PRKCH: variants seen among roughly 807,000 people sequenced by gnomAD.
PRKCH encodes protein kinase C eta.
PRKCH carries 28 observed loss-of-function variants against 82.5 expected under a neutral mutation model. The ratio of observed to expected loss-of-function variants is 0.34; its 90% CI spans 0.25 to 0.47. PRKCH has a LOEUF of 0.47. Among genes scored for constraint, PRKCH ranks in the 20% least tolerant of loss-of-function variants. PRKCH has a pLI of 1.00. For missense variants in PRKCH, 705 were observed against 881.8 expected (o/e 0.80, Z 2.54); for synonymous variants, 322 against 327.4 (o/e 0.98, Z 0.18).
At position 61,280,726 on chromosome 14, in the gene PRKCH, C is replaced by G; in HGVS notation, c.-19+93058C>G. On this transcript the variant is annotated intron_variant, in intron 1 of 3. Transcript: ENST00000555185. The surrounding 1 kb of genome is among the most constrained non-coding windows in gnomAD (Gnocchi z 5.0). ...GGGGGCGCACTCGTTGACAGGGTGG[C>G]GCAGCGCGCTGGGGAGTCCGCTCAG... 1 of 1,577,128 alleles carries G rather than the reference C, an allele frequency of 6.3e-7. No homozygotes were observed. Among genetic ancestry groups the G allele is most frequent in the East Asian group, 2.3e-5 (1 of 43,276 alleles).
At chr14:61,401,631 C>T (rs779050723) in intron 2 of PRKCH, among the ~76,000 whole-genome samples, 3 of 152,136 alleles carry the variant, frequency 2.0e-5, no homozygotes, top group African/African-American at 4.8e-5. Flanking sequence ...TTGATGGCCA[C>T]GTAGTTGCAG....
chr14:61,411,927 C>T (rs544370214), intron 2 of PRKCH, among the ~76,000 whole-genome samples: 1 of 152,288 alleles, frequency 6.6e-6, no homozygotes, highest in East Asian at 1.9e-4. Flanking sequence ...TGGAAAACTT[C>T]AAGAGTCATG....
rs140180712 is a variant in PRKCH, at chr14:61,403,095, C to T, written c.427+11807C>T. ...TTGCAAATTGTAAAATAATGCCACTCTCTCTATCTTTGGGGGGATGTTTGA... is the reference window on the plus strand; with the variant it reads ...TTGCAAATTGTAAAATAATGCCACTTTCTCTATCTTTGGGGGGATGTTTGA... On this transcript the variant is annotated intron_variant, in intron 2 of 13. Coordinates refer to ENST00000332981, the MANE Select transcript of PRKCH (RefSeq NM_006255.5). Among the ~76,000 whole-genome samples the T allele has an allele frequency of 7.6e-4, 115 of 152,080 alleles. No individual in the cohort carries two copies. The East Asian group carries it at 0.02, about 26-fold the overall frequency.
intron 1 of PRKCH, among the ~76,000 whole-genome samples, chr14:61,338,599 A>G (rs564830832): frequency 2.0e-5 from 3 of 152,308 alleles, no homozygotes; most frequent in Admixed American, 2.0e-4. Flanking sequence ...CTATGTCAGG[A>G]ATGTATTAAT....
At chr14:61,231,402 A>G (rs866585101) in intron 1 of PRKCH, among the ~76,000 whole-genome samples, 5 of 135,344 alleles carry the variant, frequency 3.7e-5, no homozygotes, top group Middle Eastern at 5.0e-3. Flanking sequence ...TCACTCTGTC[A>G]CCCAGGCTGG....
chr14:61,188,423 T>C (rs928075970), intron 1 of PRKCH, among the ~76,000 whole-genome samples: 2 of 151,490 alleles, frequency 1.3e-5, no homozygotes, highest in Non-Finnish European at 2.9e-5. Flanking sequence ...GCTCCGGCTC[T>C]GGCTCCGGCT....
chr14:61,472,973 A>G (rs982356378), intron 9 of PRKCH, among the ~76,000 whole-genome samples: 1 of 152,238 alleles, frequency 6.6e-6, no homozygotes, highest in African/African-American at 2.4e-5. Context: ...AGGTCATGAT[A>G]ACACCATGTG....
chr14:61,457,554 G>A lies in PRKCH; in HGVS notation c.1153G>A (p.Val385Met), dbSNP rs1884833097. 6.2e-7 allele frequency: 1 copy of A among 1,614,152 alleles called. No individual in the cohort carries two copies. The highest frequency in any genetic ancestry group is 1.7e-5 in the Admixed American group (1 of 60,024). Residue 385 changes from valine (V) to methionine (M), a missense_variant, in exon 9 of 14, where the codon GTG becomes ATG. Val to Met is a conservative substitution (Grantham distance 21). Coordinates refer to ENST00000332981, the MANE Select transcript of PRKCH (RefSeq NM_006255.5). ...KETGDLYAVK[V>M]LKKDVILQDD... The stretch of plus-strand genomic sequence containing the variant: ...AACAGGAGACCTCTATGCTGTGAAG[G>A]TGCTGAAGAAGGACGTGATTCTGCA...
intron 1 of PRKCH, chr14:61,306,161 G>A (rs918286761): frequency 6.6e-6 from 1 of 152,180 alleles, no homozygotes; most frequent in East Asian, 1.9e-4. Flanking sequence ...TTGAATGGAT[G>A]AGGTGCTTAG....
chr14:61,360,883 A>C (rs1424149640), intron 1 of PRKCH, among the ~76,000 whole-genome samples: 1 of 152,230 alleles, frequency 6.6e-6, no homozygotes, highest in Non-Finnish European at 1.5e-5. Flanking sequence ...CCAGTACCCT[A>C]GATGGTGGGA....
chr14:61,416,177 T>C (rs192582369), intron 2 of PRKCH, among the ~76,000 whole-genome samples: 52 of 150,062 alleles, frequency 3.5e-4, no homozygotes, highest in East Asian at 1.4e-3. Flanking sequence ...CCACCCAGCT[T>C]CCTGAGTAGC....
chr14:61,237,539 A>G (rs1303998292), intron 1 of PRKCH, among the ~76,000 whole-genome samples: 1 of 152,194 alleles, frequency 6.6e-6, no homozygotes, highest in African/African-American at 2.4e-5. Context: ...TGTTACCTGG[A>G]GGCTTCATCT....
chr14:61,263,382 T>C (rs1173515979), intron 1 of PRKCH, among the ~76,000 whole-genome samples: 1 of 152,236 alleles, frequency 6.6e-6, no homozygotes, highest in Admixed American at 6.5e-5. Flanking sequence ...TTGCTAAGAT[T>C]CATTTATGTT....
chr14:61,450,212 G>C (rs1884439167), intron 5 of PRKCH, among the ~76,000 whole-genome samples: 1 of 152,176 alleles, frequency 6.6e-6, no homozygotes, highest in African/African-American at 2.4e-5. Flanking sequence ...GCATGGATCT[G>C]TTGTTATAGC....
intron 1 of PRKCH, among the ~76,000 whole-genome samples, chr14:61,211,877 AAAT>A (rs1376507970): frequency 1.3e-5 from 2 of 152,200 alleles, no homozygotes; most frequent in African/African-American, 4.8e-5. Context: ...AAATGACAAA[AAAT>A]AACCTGCCAC....
intron 1 of PRKCH, among the ~76,000 whole-genome samples, chr14:61,214,873 T>C (rs925850964): frequency 4.6e-5 from 7 of 152,246 alleles, no homozygotes; most frequent in Non-Finnish European, 8.8e-5. Flanking sequence ...GTTTAAATCA[T>C]TTATGTTATA....
chr14:61,420,828 CA>C (rs534664758), intron 2 of PRKCH, among the ~76,000 whole-genome samples: 124 of 152,280 alleles, frequency 8.1e-4, no homozygotes, highest in African/African-American at 2.9e-3. Flanking sequence ...GGCTAAGCGT[CA>C]GTTGCAATAT....
At chr14:61,187,590 C>T (rs897199203) in exon 1 of PRKCH, 3 of 152,752 alleles carry the variant, frequency 2.0e-5, no homozygotes, top group Admixed American at 6.5e-5. Context: ...GGTGTAATGC[C>T]TGCCTCCTGC....
intron 1 of PRKCH, among the ~76,000 whole-genome samples, chr14:61,244,764 C>T (rs1050517862): frequency 2.6e-5 from 4 of 152,208 alleles, no homozygotes; most frequent in African/African-American, 9.7e-5. Context: ...TTAGTCCGCC[C>T]TCAACTGGTC....
Sources: gnomAD v4.1 joint callset for allele counts (sites outside exome capture counted in the v4.1 genomes callset) on GRCh38, gnomAD v4.1.1 for gene constraint, Gnocchi (gnomAD v3.1) non-coding constraint, MANE v1.5 for transcripts, NCBI Gene and HGNC (gene_info 2026-07-23, HGNC 2026-07-21) for gene names.